Variants in WAC observed in about 807,000 individuals in gnomAD.
The protein encoded by WAC is WW domain containing adaptor with coiled-coil.
A neutral mutation model predicts 79.6 loss-of-function variants in WAC; 11 were observed. That is an observed-to-expected ratio of 0.14 (90% CI 0.09 to 0.23). The LOEUF (loss-of-function observed/expected upper bound fraction) is 0.23. WAC is among the 10% of genes least tolerant of loss of function. The pLI is 1.00. For synonymous variants in WAC, 304 were observed against 276.9 expected, an observed-to-expected ratio of 1.10 and a Z score of -0.97; for missense variants, 728 against 773.5, an observed-to-expected ratio of 0.94 and a Z score of 0.70.
At position 28,596,031 on chromosome 10, in the gene WAC, A is replaced by C; in HGVS notation, c.909A>C (p.Thr303=). The C allele has an allele frequency of 6.2e-7, 1 of 1,613,742 alleles. No homozygotes were observed. The highest frequency in any genetic ancestry group is 8.5e-7 in the Non-Finnish European group (1 of 1,179,794). ...CATCTTCTGTCCCTGCACAGAAAAC[A>C]GAAAGAAAAGGTATGCCATTATTAC... The part of the protein sequence containing the change: ...TPTSSVPAQK[T]ERKESTSGDK... Residue 303 remains threonine (T), a synonymous_variant, in exon 7 of 14, where the codon ACA becomes ACC. Coordinates refer to ENST00000354911, the MANE Select transcript of WAC (RefSeq NM_016628.5).
chr10:28,547,500 A>G (rs1398069801), intron 3 of WAC, among the ~76,000 whole-genome samples: 2 of 151,404 alleles, frequency 1.3e-5, no homozygotes. Flanking sequence ...ATGCCACTGC[A>G]CTCCAGCCTG....
chr10:28,594,152 G>C, intron 6 of WAC, among the ~76,000 whole-genome samples: 1 of 149,218 alleles, frequency 6.7e-6, no homozygotes, highest in East Asian at 2.0e-4. Context: ...CCCTGTTCCT[G>C]TAATGCTGCT....
At chr10:28,551,900 C>CT (rs1437330804) in intron 3 of WAC, among the ~76,000 whole-genome samples, 2 of 150,836 alleles carry the variant, frequency 1.3e-5, no homozygotes, top group Non-Finnish European at 2.9e-5. Flanking sequence ...TCTCGGCTCA[C>CT]TGCAACCTTT....
chr10:28,546,360 A>G (rs1449450730), intron 3 of WAC, among the ~76,000 whole-genome samples: 4 of 152,228 alleles, frequency 2.6e-5, no homozygotes, highest in African/African-American at 9.6e-5. Context: ...GTTGATTGTG[A>G]AAAGATTCAT....
At chr10:28,577,622 G>A (rs1272297106) in intron 3 of WAC, among the ~76,000 whole-genome samples, 2 of 152,214 alleles carry the variant, frequency 1.3e-5, no homozygotes. Context: ...CAAGGACACT[G>A]GAAGGTAGTA....
intron 7 of WAC, among the ~76,000 whole-genome samples, chr10:28,604,453 C>G (rs1840831715): frequency 6.6e-6 from 1 of 152,048 alleles, no homozygotes; most frequent in African/African-American, 2.4e-5. Context: ...ACAACAAGGC[C>G]CGGCGTGGTG....
At chr10:28,619,420 C>A (rs769951071) in intron 13 of WAC, 117 bp from the exon 14 acceptor site, 15 of 733,746 alleles carry the variant, frequency 2.0e-5, no homozygotes, top group Non-Finnish European at 3.0e-5. Flanking sequence ...TTTTAAATTT[C>A]TTTGCCTTAA....
chr10:28,580,194 A>G (rs1408222040), intron 3 of WAC, among the ~76,000 whole-genome samples: 1 of 152,134 alleles, frequency 6.6e-6, no homozygotes, highest in African/African-American at 2.4e-5. Context: ...TTATGACTTG[A>G]TTATTATGCT....
intron 3 of WAC, among the ~76,000 whole-genome samples, chr10:28,540,898 AAC>A (rs1439480800): frequency 6.6e-6 from 1 of 152,146 alleles, no homozygotes; most frequent in East Asian, 1.9e-4. Flanking sequence ...AATTTTAGAA[AAC>A]AGTGTCTGTG....
At chr10:28,603,979 ATATATATATG>A (rs201397888) in intron 7 of WAC, among the ~76,000 whole-genome samples, 13,254 of 65,862 alleles carry the variant, frequency 0.2, 1,482 homozygotes, top group East Asian at 0.24. Flanking sequence ...ATATATATAT[ATATATATATG>A]TATATATATA....
intron 4 of WAC, among the ~76,000 whole-genome samples, chr10:28,587,229 C>G (rs1839863812): frequency 1.3e-5 from 2 of 152,106 alleles, no homozygotes; most frequent in Admixed American, 1.3e-4. Flanking sequence ...TATGTAACAT[C>G]TTTGTGAAAA....
At chr10:28,608,721 A>G (rs1174918031) in intron 8 of WAC, 2 of 253,088 alleles carry the variant, frequency 7.9e-6, no homozygotes, top group Non-Finnish European at 1.5e-5. Context: ...CATAATGTGT[A>G]TGGTGAAATT....
At chr10:28,564,842 A>G (rs1838508318) in intron 3 of WAC, among the ~76,000 whole-genome samples, 1 of 152,180 alleles carries the variant, frequency 6.6e-6, no homozygotes, top group Non-Finnish European at 1.5e-5. Flanking sequence ...AGATTTTACT[A>G]GATTTGCATG....
intron 3 of WAC, among the ~76,000 whole-genome samples, chr10:28,541,044 ATGGTATTTCTATTTT>A (rs1564372388): frequency 6.6e-6 from 1 of 152,108 alleles, no homozygotes; most frequent in East Asian, 1.9e-4. Flanking sequence ...TTATAATTTA[ATGGTATTTCTATTTT>A]ACAATCAGTA....
rs1564405106 is a variant in WAC at position 28,590,832 on chromosome 10, AGT to A, written c.610+1_610+2del. ...AGCCACTAGTGGGTTTGCCAGTGGA[AGT>A]AAGTATTAATTTTTTTTCTTTGAAA... On this transcript the variant is annotated splice_donor_variant, in intron 6 of 13. Transcript: ENST00000354911. LOFTEE classifies it high-confidence loss of function. 1.2e-6 allele frequency: 2 copies of A among 1,603,430 alleles called. No homozygotes were observed. Among genetic ancestry groups the A allele is most frequent in the Non-Finnish European group, 1.7e-6 (2 of 1,175,540 alleles).
At chr10:28,589,882 T>C (rs1840001014) in intron 5 of WAC, 31 bp downstream of exon 5, 1 of 1,483,350 alleles carries the variant, frequency 6.7e-7, no homozygotes, top group Non-Finnish European at 9.4e-7. Flanking sequence ...TTAAACATTA[T>C]TTCTCTAGCT....
At position 28,535,574 on chromosome 10, in the gene WAC, T is replaced by C; in HGVS notation, c.91T>C (p.Ser31Pro). The C allele has an allele frequency of 6.2e-7, 1 of 1,609,388 alleles. No individual in the cohort carries two copies. The highest frequency in any genetic ancestry group is 8.5e-7 in the Non-Finnish European group (1 of 1,177,568). Residue 31 changes from serine to proline, a missense_variant, in exon 3 of 14, where the codon TCA becomes CCA. This residue lies in a region of WAC where 648 missense variants were observed against 661.5 expected (regional missense o/e 0.98). Transcript: ENST00000354911. ...TGATGTTTTACAGGCACTTAAGTATTCATCGAAGAGTCACCCCAGTAGCGG... is the reference window on the plus strand; with the variant it reads ...TGATGTTTTACAGGCACTTAAGTATCCATCGAAGAGTCACCCCAGTAGCGG... ...DSQPYQALKY[S>P]SKSHPSSGDH...
chr10:28,587,450 A>T (rs538808147), intron 4 of WAC, among the ~76,000 whole-genome samples: 7 of 152,224 alleles, frequency 4.6e-5, no homozygotes, highest in South Asian at 2.1e-4. Flanking sequence ...TTATGAAAAT[A>T]GTTCTGGTCT....
At chr10:28,607,699 G>GTGT (rs1392735055) in intron 7 of WAC, among the ~76,000 whole-genome samples, 1 of 152,126 alleles carries the variant, frequency 6.6e-6, no homozygotes, top group Admixed American at 6.6e-5. Context: ...AACCACCTTG[G>GTGT]TGTACCTACC....
Sources: gnomAD v4.1 joint callset for allele counts (sites outside exome capture counted in the v4.1 genomes callset) on GRCh38, gnomAD v4.1.1 for gene constraint, gnomAD v4.1.1 regional missense constraint, MANE v1.5 for transcripts, NCBI Gene and HGNC (gene_info 2026-07-23, HGNC 2026-07-21) for gene names.